ABLIM2: variants seen among roughly 807,000 people sequenced by gnomAD.
The protein encoded by ABLIM2 is actin-binding LIM protein 2.
Under a neutral mutation model 97.7 loss-of-function variants are expected in ABLIM2, and 53 were observed. The observed-to-expected ratio is 0.54, with a 90% CI of 0.44 to 0.68. The LOEUF (loss-of-function observed/expected upper bound fraction) is 0.68, where lower values mean the gene tolerates loss of function less well. Ranked by LOEUF, ABLIM2 falls within the 30% of genes least tolerant of loss-of-function variation. ABLIM2 has a pLI of 0.00. For missense variants in ABLIM2, 835 were observed against 867.2 expected (o/e 0.96, Z 0.47); for synonymous variants, 361 against 345.8 (o/e 1.04, Z -0.49).
chr4:8,090,835 C>A (rs945956873), intron 3 of ABLIM2, among the ~76,000 whole-genome samples: 7 of 151,876 alleles, frequency 4.6e-5, no homozygotes, highest in African/African-American at 1.5e-4. Flanking sequence ...GAGGACGGAG[C>A]AGTGTCCATC....
chr4:7,973,374 G>GCTC (rs35897826), intron 20 of ABLIM2, among the ~76,000 whole-genome samples: 4,015 of 152,078 alleles, frequency 0.026, 190 homozygotes, highest in African/African-American at 0.093. Flanking sequence ...GGTGGTACAT[G>GCTC]CCTGTAGTCC....
At chr4:7,991,549 G>C (rs1397012986) in intron 17 of ABLIM2, among the ~76,000 whole-genome samples, 1 of 152,200 alleles carries the variant, frequency 6.6e-6, no homozygotes, top group African/African-American at 2.4e-5. Flanking sequence ...GGTGTCGTAG[G>C]AGTCCTGTGG....
intron 2 of ABLIM2, 138 bp from the exon 3 acceptor site, chr4:8,097,420 C>G (rs1477423529): frequency 4.5e-6 from 5 of 1,100,450 alleles, no homozygotes; most frequent in Admixed American, 2.7e-5. Context: ...CTTGGGGTGG[C>G]TTGCTCAACT....
chr4:7,967,093 G>A lies in ABLIM2; in HGVS notation c.1835C>T (p.Ser612Leu), dbSNP rs202096967. 435 of 1,613,392 alleles carry A rather than the reference G, an allele frequency of 2.7e-4. 1 individual carries two copies. The highest frequency in any genetic ancestry group is 1.0e-4 in the Admixed American group (6 of 60,010). Residue 612 changes from serine to leucine, a missense_variant, in exon 21 of 21, where the codon TCG (serine) becomes TTG (leucine). Ser to Leu is a moderately radical substitution (Grantham distance 145). Transcript: ENST00000447017. ...VDRTRLERHLSPEEFQEVFGM... is the reference protein window; with the variant it reads ...VDRTRLERHLLPEEFQEVFGM... Reference sequence around the variant, plus strand: ...AAACACTTCCTGGAACTCCTCGGGCGACAAGTGTCTCTTCAAACAAAAAGG... The same window carrying A: ...AAACACTTCCTGGAACTCCTCGGGCAACAAGTGTCTCTTCAAACAAAAAGG...
chr4:8,114,904 G>A (rs2386117), intron 1 of ABLIM2, among the ~76,000 whole-genome samples: 108,739 of 151,944 alleles, frequency 0.72, 39,922 homozygotes, highest in South Asian at 0.94. Flanking sequence ...CTCCTCCCGG[G>A]GCCCACCCAG....
Position 8,036,295 on chromosome 4 carries a change from C to A in ABLIM2, c.901G>T (p.Ala301Ser). The change falls in exon 10 of 21, where the codon GCC becomes TCC. Residue 301 changes from alanine (A) to serine (S), a missense_variant and splice_region_variant. Coordinates refer to ENST00000447017, the MANE Select transcript of ABLIM2 (RefSeq NM_001130083.2). ...TCCAGGATCTCACCACCAAGCTTGGCCTGAGAGGGGAAAGAGAATTGGGGA... is the reference window on the plus strand; with the variant it reads ...TCCAGGATCTCACCACCAAGCTTGGACTGAGAGGGGAAAGAGAATTGGGGA... Reference protein sequence around the residue: ...TSGSPSRVIYAKLGGEILDYR... With the variant: ...TSGSPSRVIYSKLGGEILDYR... The A allele has an allele frequency of 6.2e-7, 1 of 1,613,340 alleles. No homozygotes were observed. Among genetic ancestry groups the A allele is most frequent in the South Asian group, 1.1e-5 (1 of 91,008 alleles).
intron 2 of ABLIM2, among the ~76,000 whole-genome samples, chr4:8,099,233 G>T (rs1833236710): frequency 6.6e-6 from 1 of 152,216 alleles, no homozygotes; most frequent in Non-Finnish European, 1.5e-5. Context: ...GAGACTTGGG[G>T]GCCTCACTTT....
Position 8,005,274 on chromosome 4 carries a change from C to T in ABLIM2, c.1618+2785G>A, listed in dbSNP as rs1760414251. Reference sequence around the variant, plus strand: ...AGGGGCTGCTCTTGTCTTCTCTGTCCCCCTCGGCGCCCCGCTCAGCGTCTG... The same window carrying T: ...AGGGGCTGCTCTTGTCTTCTCTGTCTCCCTCGGCGCCCCGCTCAGCGTCTG... On this transcript the variant is annotated intron_variant, in intron 16 of 20. Coordinates refer to ENST00000447017, the MANE Select transcript of ABLIM2 (RefSeq NM_001130083.2). The surrounding 1 kb of genome is among the most constrained non-coding windows in gnomAD (Gnocchi z 4.9). 1.9e-6 allele frequency: 1 copy of T among 523,852 alleles called. No individual in the cohort carries two copies. The highest frequency in any genetic ancestry group is 1.9e-5 in the African/African-American group (1 of 51,798). 32.5% of individuals were successfully genotyped at this position (523,852 alleles called of 1,614,324 possible).
chr4:7,975,909 A>G (rs534612795), intron 20 of ABLIM2, among the ~76,000 whole-genome samples: 21 of 152,312 alleles, frequency 1.4e-4, no homozygotes, highest in African/African-American at 4.8e-4. Context: ...CCTTTCTCGG[A>G]TCACGCTAAC....
In ABLIM2 at chr4:8,140,622, A is replaced by G. The variant is rs562764378; in HGVS notation, c.10+18058T>C. On this transcript the variant is annotated intron_variant, in intron 1 of 20. Coordinates refer to ENST00000447017, the MANE Select transcript of ABLIM2 (RefSeq NM_001130083.2). The surrounding 1 kb of genome is among the most constrained non-coding windows in gnomAD (Gnocchi z 5.9). ...CTGTGATACCGTTACTCCCATGGCC[A>G]CTGCTACTGATGATGGAAGCAATGA... is the stretch of plus-strand genomic sequence containing the variant. Among the ~76,000 whole-genome samples, 5 of 152,164 alleles carry G rather than the reference A, an allele frequency of 3.3e-5. No individual in the cohort carries two copies. Among genetic ancestry groups the G allele is most frequent in the Non-Finnish European group, 7.3e-5 (5 of 68,030 alleles).
intron 7 of ABLIM2, among the ~76,000 whole-genome samples, chr4:8,059,916 A>ACCC (rs1291383418): frequency 9.5e-6 from 1 of 105,172 alleles, no homozygotes; most frequent in Admixed American, 9.4e-5. Flanking sequence ...CAAAAAAAAA[A>ACCC]AAAAAAAAAA....
chr4:7,995,800 A>G (rs1213005575), intron 16 of ABLIM2, among the ~76,000 whole-genome samples: 1 of 152,028 alleles, frequency 6.6e-6, no homozygotes, highest in Admixed American at 6.6e-5. Context: ...GACATGTGAG[A>G]GGGGCGGGGG....
rs73075905 is a variant in ABLIM2 at position 8,082,096 on chromosome 4, C to T, written c.455-1294G>A. ...CATGACAAGGGAAGGGCCTCGGACC[C>T]CGTAATGGACAGGGAGGAAGAGGGT... On this transcript the variant is annotated intron_variant, in intron 4 of 20. Transcript: ENST00000447017. The surrounding 1 kb of genome is among the most constrained non-coding windows in gnomAD (Gnocchi z 5.6). Among the ~76,000 whole-genome samples, 28 of 152,184 alleles carry T rather than the reference C, an allele frequency of 1.8e-4. No individual in the cohort carries two copies. In the South Asian group the frequency reaches 5.6e-3, roughly 30 times the overall value.
chr4:8,060,354 T>C (rs1318203785), intron 7 of ABLIM2, among the ~76,000 whole-genome samples: 1 of 152,216 alleles, frequency 6.6e-6, no homozygotes, highest in Non-Finnish European at 1.5e-5. Flanking sequence ...GTGATGACAC[T>C]TATTTTTAAT....
intron 1 of ABLIM2, among the ~76,000 whole-genome samples, chr4:8,116,999 C>G (rs1843071578): frequency 6.6e-6 from 1 of 152,218 alleles, no homozygotes; most frequent in East Asian, 1.9e-4. Flanking sequence ...AGTGGCGACG[C>G]CTGGTCTCCT....
rs1055494541 is a variant in ABLIM2 at position 8,128,602 on chromosome 4, C to G, written c.11-21965G>C. On this transcript the variant is annotated intron_variant, in intron 1 of 20. Coordinates refer to ENST00000447017, the MANE Select transcript of ABLIM2 (RefSeq NM_001130083.2). The surrounding 1 kb of genome is among the most constrained non-coding windows in gnomAD (Gnocchi z 4.9). ...CCAGTGACCTTGCACAGCAGGTCTC[C>G]TTGCCCTGGCTCTAAGGCAGGAAAG... Among the ~76,000 whole-genome samples, 1 of 152,244 alleles carries G rather than the reference C, an allele frequency of 6.6e-6. No individual in the cohort carries two copies. The highest frequency in any genetic ancestry group is 6.5e-5 in the Admixed American group (1 of 15,290).
intron 8 of ABLIM2, among the ~76,000 whole-genome samples, chr4:8,049,452 C>T (rs1794635260): frequency 6.6e-6 from 1 of 152,164 alleles, no homozygotes; most frequent in South Asian, 2.1e-4. Flanking sequence ...TCCACTTGGC[C>T]AGGGCATGCC....
rs1482902534 is a variant in ABLIM2 at position 8,043,636 on chromosome 4, C to A, written c.900+1528G>T. Reference sequence around the variant, plus strand: ...GATGCAAGGAGAGGACGGCCGCCTGCGGGCCAGGGATGGGGAGCCAACCCT... The same window carrying A: ...GATGCAAGGAGAGGACGGCCGCCTGAGGGCCAGGGATGGGGAGCCAACCCT... On this transcript the variant is annotated intron_variant, in intron 9 of 20. Coordinates refer to ENST00000447017, the MANE Select transcript of ABLIM2 (RefSeq NM_001130083.2). The surrounding 1 kb of genome is among the most constrained non-coding windows in gnomAD (Gnocchi z 4.8). Among the ~76,000 whole-genome samples the A allele has an allele frequency of 4.6e-5, 7 of 152,138 alleles. No homozygotes were observed. The highest frequency in any genetic ancestry group is 4.6e-4 in the Admixed American group (7 of 15,280).
chr4:8,134,738 G>A (rs1849942772), intron 1 of ABLIM2, among the ~76,000 whole-genome samples: 1 of 152,242 alleles, frequency 6.6e-6, no homozygotes, highest in South Asian at 2.1e-4. Flanking sequence ...GCTGGGCTCG[G>A]AGGGACCAGG....
Sources: allele counts gnomAD v4.1 joint callset (sites outside exome capture counted in the v4.1 genomes callset), GRCh38; gene constraint gnomAD v4.1.1; non-coding constraint Gnocchi (gnomAD v3.1); transcripts MANE v1.5; gene names NCBI Gene and HGNC (gene_info 2026-07-23, HGNC 2026-07-21).